NR2F1-AS1: variants seen among roughly 807,000 people sequenced by gnomAD.
NR2F1-AS1 encodes the protein NR2F1 antisense RNA 1.
intron 4 of NR2F1-AS1, among the ~76,000 whole-genome samples, chr5:93,426,964 G>A (rs1401714664): frequency 1.3e-5 from 2 of 152,018 alleles, no homozygotes; most frequent in African/African-American, 2.4e-5. Flanking sequence ...TAGGACTTTG[G>A]GACTTGCATA....
upstream of NR2F1-AS1, among the ~76,000 whole-genome samples, chr5:93,581,722 CT>C (rs1561519167): frequency 2.2e-4 from 15 of 69,016 alleles, no homozygotes; most frequent in African/African-American, 4.7e-4. Context: ...CTCTCTCTCT[CT>C]CTCTCTCTCT....
chr5:93,525,513 T>C (rs933265111), intron 4 of NR2F1-AS1, among the ~76,000 whole-genome samples: 8 of 151,062 alleles, frequency 5.3e-5, no homozygotes, highest in African/African-American at 1.5e-4. Context: ...GTGGACCTAA[T>C]AGACATCTAC....
At chr5:93,463,663 G>A (rs1561450954) in intron 4 of NR2F1-AS1, among the ~76,000 whole-genome samples, 1 of 152,214 alleles carries the variant, frequency 6.6e-6, no homozygotes, top group African/African-American at 2.4e-5. Context: ...GGGTGGAACT[G>A]CCCAAGACCA....
At chr5:93,542,302 T>C (rs1458818381) in intron 4 of NR2F1-AS1, 1 of 152,022 alleles carries the variant, frequency 6.6e-6, no homozygotes, top group Admixed American at 6.6e-5. Flanking sequence ...TTATAAACTA[T>C]CTTCTTGAAC....
At chr5:93,434,918 G>A (rs1236887013) in intron 4 of NR2F1-AS1, among the ~76,000 whole-genome samples, 1 of 152,136 alleles carries the variant, frequency 6.6e-6, no homozygotes, top group Non-Finnish European at 1.5e-5. Flanking sequence ...GGAAGTACAT[G>A]ATATTGGTTT....
chr5:93,472,337 A>G (rs1181247819), intron 4 of NR2F1-AS1, among the ~76,000 whole-genome samples: 1 of 151,886 alleles, frequency 6.6e-6, no homozygotes, highest in Non-Finnish European at 1.5e-5. Flanking sequence ...AATTAAGTTA[A>G]GAGAAAGACA....
At chr5:93,535,412 T>G (rs983045297) in intron 4 of NR2F1-AS1, among the ~76,000 whole-genome samples, 1 of 151,824 alleles carries the variant, frequency 6.6e-6, no homozygotes, top group Non-Finnish European at 1.5e-5. Context: ...GAGATTTCCT[T>G]CTACAATAAA....
At chr5:93,527,524 A>G (rs1043026441) in intron 4 of NR2F1-AS1, among the ~76,000 whole-genome samples, 9 of 152,226 alleles carry the variant, frequency 5.9e-5, no homozygotes, top group Non-Finnish European at 1.2e-4. Flanking sequence ...ACCAAAAAAG[A>G]GCCTGTATAG....
intron 4 of NR2F1-AS1, among the ~76,000 whole-genome samples, chr5:93,427,182 T>C (rs1355048410): frequency 6.6e-6 from 1 of 152,140 alleles, no homozygotes; most frequent in East Asian, 1.9e-4. Context: ...TTTTTTTAAG[T>C]GAAAAAAATT....
intron 4 of NR2F1-AS1, among the ~76,000 whole-genome samples, chr5:93,539,925 G>A (rs537556640): frequency 2.4e-4 from 36 of 152,086 alleles, no homozygotes; most frequent in African/African-American, 8.2e-4. Flanking sequence ...AGACAGAAAG[G>A]AATAAAAAAT....
At chr5:93,450,914 CAAAAAAAAAAAA>C (rs60895927) in intron 4 of NR2F1-AS1, among the ~76,000 whole-genome samples, 8 of 54,048 alleles carry the variant, frequency 1.5e-4, no homozygotes, top group Admixed American at 1.3e-3. Context: ...GAATCTGCTT[CAAAAAAAAAAAA>C]AAAAAAAAAA....
At chr5:93,531,431 G>A (rs191217819) in intron 4 of NR2F1-AS1, among the ~76,000 whole-genome samples, 4 of 152,282 alleles carry the variant, frequency 2.6e-5, no homozygotes, top group African/African-American at 4.8e-5. Context: ...AACGAAAGCC[G>A]AGGTCTCACT....
intron 4 of NR2F1-AS1, among the ~76,000 whole-genome samples, chr5:93,502,088 T>C (rs959495911): frequency 6.6e-6 from 1 of 152,218 alleles, no homozygotes; most frequent in Non-Finnish European, 1.5e-5. Context: ...TTAAAGTATG[T>C]AAACTGTTTT....
At chr5:93,549,908 G>A (rs1445801375) in intron 4 of NR2F1-AS1, among the ~76,000 whole-genome samples, 1 of 151,940 alleles carries the variant, frequency 6.6e-6, no homozygotes, top group Non-Finnish European at 1.5e-5. Flanking sequence ...AGTGGGAGCT[G>A]AACAATGAGA....
chr5:93,455,248 A>C (rs1185223502), intron 4 of NR2F1-AS1, among the ~76,000 whole-genome samples: 1 of 152,184 alleles, frequency 6.6e-6, no homozygotes, highest in Non-Finnish European at 1.5e-5. Context: ...TTTTTCTTTT[A>C]AAGATTCACA....
intron 4 of NR2F1-AS1, among the ~76,000 whole-genome samples, chr5:93,528,161 A>G (rs931996356): frequency 6.6e-6 from 1 of 152,206 alleles, no homozygotes; most frequent in Non-Finnish European, 1.5e-5. Flanking sequence ...CAAGAAAAAA[A>G]CAAACAAGCC....
rs889956859 is a variant in NR2F1-AS1 at position 93,579,632 on chromosome 5, C to A, written n.313+835G>T. On this transcript the variant is annotated intron_variant and non_coding_transcript_variant, in intron 1 of 5. Coordinates refer to ENST00000660523, the Ensembl canonical transcript of NR2F1-AS1. This position sits in a 1 kb window ranked among gnomAD's most constrained non-coding sequence, Gnocchi z 5.1. ...TGCAGTCCCCAGCATCGGCTGCCCC[C>A]GCCCCCCGCGCGCCCTCTGACGCAA... Among the ~76,000 whole-genome samples the A allele has an allele frequency of 6.6e-6, 1 of 152,070 alleles. No homozygotes were observed. The highest frequency in any genetic ancestry group is 1.5e-5 in the Non-Finnish European group (1 of 67,980).
intron 2 of NR2F1-AS1, among the ~76,000 whole-genome samples, chr5:93,562,195 A>AAAAAAAGAAAAAAAAAG (rs755007063): frequency 7.3e-6 from 1 of 136,664 alleles, no homozygotes. Context: ...AAAAAAAAAA[A>AAAAAAAGAAAAAAAAAG]AAAAGAAAAG....
intron 4 of NR2F1-AS1, among the ~76,000 whole-genome samples, chr5:93,516,112 T>C (rs1471616433): frequency 1.3e-5 from 2 of 151,936 alleles, no homozygotes; most frequent in African/African-American, 4.8e-5. Flanking sequence ...CTTCTTGTTA[T>C]GCCTACTGCA....
Sources: gnomAD v4.1 joint callset for allele counts (sites outside exome capture counted in the v4.1 genomes callset) on GRCh38, gnomAD v4.1.1 for gene constraint, Gnocchi (gnomAD v3.1) non-coding constraint, MANE v1.5 for transcripts, NCBI Gene and HGNC (gene_info 2026-07-23, HGNC 2026-07-21) for gene names.